The following PARD3B variants were observed in gnomAD, a reference collection of about 807,000 sequenced individuals.
PARD3B encodes partitioning defective 3 homolog B.
A neutral mutation model predicts 130.2 loss-of-function variants in PARD3B; 103 were observed. The ratio of observed to expected loss-of-function variants is 0.79; its 90% CI spans 0.67 to 0.93. The LOEUF (loss-of-function observed/expected upper bound fraction) is 0.93. Among genes scored for constraint, PARD3B ranks in the 40% least tolerant of loss-of-function variants. The pLI is 0.00. For synonymous variants in PARD3B, 583 were observed against 553.2 expected (o/e 1.05, Z -0.76); for missense variants, 1,609 against 1,499.2 (o/e 1.07, Z -1.21).
intron 3 of PARD3B, among the ~76,000 whole-genome samples, chr2:204,998,481 A>ATATAATATATGTATATATATGTGTG (rs1694526515): frequency 1.1e-5 from 1 of 91,352 alleles, no homozygotes; most frequent in Non-Finnish European, 2.2e-5. Context: ...ATATATGTGT[A>ATATAATATATGTATATATATGTGTG]TATAATATAT....
chr2:204,787,884 G>A (rs1391515687), intron 2 of PARD3B, among the ~76,000 whole-genome samples: 2 of 152,144 alleles, frequency 1.3e-5, no homozygotes, highest in Non-Finnish European at 2.9e-5. Flanking sequence ...TTTCTGTCAT[G>A]GCAGAGTGTG....
At chr2:205,494,084 A>T (rs190578425) in intron 20 of PARD3B, among the ~76,000 whole-genome samples, 1 of 152,076 alleles carries the variant, frequency 6.6e-6, no homozygotes, top group African/African-American at 2.4e-5. Context: ...TCTTAACTGC[A>T]TCATCAAATC....
intron 20 of PARD3B, among the ~76,000 whole-genome samples, chr2:205,480,195 G>A (rs1575124359): frequency 6.6e-6 from 1 of 152,158 alleles, no homozygotes; most frequent in East Asian, 1.9e-4. Flanking sequence ...ATGAGCCACT[G>A]TGCCCGGCTG....
intron 21 of PARD3B, among the ~76,000 whole-genome samples, chr2:205,545,373 G>T (rs914737550): frequency 1.3e-5 from 2 of 152,160 alleles, no homozygotes; most frequent in African/African-American, 4.8e-5. Context: ...CTGTAACTAG[G>T]TAAGAGCAAT....
intron 1 of PARD3B, among the ~76,000 whole-genome samples, chr2:204,684,170 A>G (rs2036969061): frequency 6.6e-6 from 1 of 152,198 alleles, no homozygotes; most frequent in African/African-American, 2.4e-5. Context: ...GCAGTTGTGA[A>G]GGATGATTAT....
At chr2:205,505,641 CAT>C (rs1473778891) in intron 21 of PARD3B, among the ~76,000 whole-genome samples, 1 of 152,178 alleles carries the variant, frequency 6.6e-6, no homozygotes, top group Admixed American at 6.5e-5. Context: ...CAGAGGAAAA[CAT>C]AATACCTGTT....
At chr2:204,771,678 A>T (rs1473115311) in intron 2 of PARD3B, among the ~76,000 whole-genome samples, 6 of 152,082 alleles carry the variant, frequency 3.9e-5, no homozygotes, top group Non-Finnish European at 8.8e-5. Flanking sequence ...ATAAAAATTA[A>T]AATTAAAAAG....
intron 1 of PARD3B, among the ~76,000 whole-genome samples, chr2:204,646,619 A>G (rs1415707869): frequency 3.3e-5 from 5 of 152,162 alleles, no homozygotes; most frequent in South Asian, 4.1e-4. Flanking sequence ...TACATACATT[A>G]TCTTCCTTAA....
chr2:205,582,765 G>A (rs190362105), intron 22 of PARD3B, among the ~76,000 whole-genome samples: 1 of 151,822 alleles, frequency 6.6e-6, no homozygotes, highest in East Asian at 1.9e-4. Flanking sequence ...TCCGATAAAA[G>A]TAACTGAGGA....
At position 205,178,143 on chromosome 2, in the gene PARD3B, T is replaced by TAAAAAAAAAAA. The variant is rs58267787; in HGVS notation, c.1924+1591_1924+1601dup. ...CAACATGGCAAAATCCCATCTGTACTAAAAAAAAAAAAAAAAAAAAAAAAA... is the reference window on the plus strand; with the variant it reads ...CAACATGGCAAAATCCCATCTGTACTAAAAAAAAAAAAAAAAAAAAAAAAAAAAAAAAAAAA... On this transcript the variant is annotated intron_variant, in intron 13 of 22. Coordinates refer to ENST00000406610, the MANE Select transcript of PARD3B (RefSeq NM_001302769.2). Among the ~76,000 whole-genome samples, 7 of 20,786 alleles carry TAAAAAAAAAAA rather than the reference T, an allele frequency of 3.4e-4. 1 individual carries two copies. Among genetic ancestry groups the TAAAAAAAAAAA allele is most frequent in the African/African-American group, 1.2e-3 (6 of 4,966 alleles). The allele number at this position is 20,786 out of a possible 152,430, so 13.6% of individuals were successfully genotyped here. A position where few individuals can be genotyped will look rare whatever the true frequency, so the allele number is the denominator to read the frequency against.
intron 2 of PARD3B, among the ~76,000 whole-genome samples, chr2:204,775,335 T>C (rs2041572890): frequency 6.6e-6 from 1 of 152,172 alleles, no homozygotes; most frequent in Non-Finnish European, 1.5e-5. Flanking sequence ...TAAATATTGA[T>C]CATGGATCTA....
intron 2 of PARD3B, among the ~76,000 whole-genome samples, chr2:204,780,865 C>T (rs933953687): frequency 6.6e-6 from 1 of 151,698 alleles, no homozygotes; most frequent in Non-Finnish European, 1.5e-5. Context: ...TGAGAAGTTC[C>T]ATCTGAGCCA....
intron 4 of PARD3B, among the ~76,000 whole-genome samples, chr2:205,077,518 A>C (rs1448613648): frequency 6.6e-6 from 1 of 152,176 alleles, no homozygotes; most frequent in African/African-American, 2.4e-5. Context: ...TTGATTTTAG[A>C]GAAAGCCGTG....
At chr2:204,851,772 A>G (rs1285867549) in intron 2 of PARD3B, among the ~76,000 whole-genome samples, 1 of 151,872 alleles carries the variant, frequency 6.6e-6, no homozygotes, top group African/African-American at 2.4e-5. Context: ...GGCTCACTGC[A>G]ACCTCTGCCT....
chr2:205,580,563 A>G (rs537544222), intron 22 of PARD3B, among the ~76,000 whole-genome samples: 4 of 152,282 alleles, frequency 2.6e-5, no homozygotes, highest in African/African-American at 9.6e-5. Flanking sequence ...AAGCTATACT[A>G]ATGCCTATTT....
chr2:205,075,248 C>T (rs80146805), intron 4 of PARD3B, among the ~76,000 whole-genome samples: 2,430 of 152,116 alleles, frequency 0.016, 25 homozygotes, highest in Non-Finnish European at 0.028. Context: ...GAGAGCTTCC[C>T]GAAAGTTAGA....
chr2:204,996,175 A>G (rs1694153532), intron 3 of PARD3B, among the ~76,000 whole-genome samples: 1 of 111,420 alleles, frequency 9.0e-6, no homozygotes, highest in Non-Finnish European at 1.8e-5. Context: ...TAGAGTTTCC[A>G]GTTTTTCTGT....
In PARD3B at chr2:205,330,707, A is replaced by T. The variant is rs146684902; in HGVS notation, c.2630+29006A>T. Among the ~76,000 whole-genome samples, 490 of 152,332 alleles carry T rather than the reference A, an allele frequency of 3.2e-3. 3 individuals carry two copies. The highest frequency in any genetic ancestry group is 0.011 in the African/African-American group (453 of 41,566). On this transcript the variant is annotated intron_variant, in intron 18 of 22. Coordinates refer to ENST00000406610, the MANE Select transcript of PARD3B (RefSeq NM_001302769.2). ...AAGATTTTTGTTTTAAAATGAGCCTATGTGACCTACAGAGGAAGTGGTGTT... is the reference window on the plus strand; with the variant it reads ...AAGATTTTTGTTTTAAAATGAGCCTTTGTGACCTACAGAGGAAGTGGTGTT...
At chr2:204,676,038 C>T (rs1275910632) in intron 1 of PARD3B, among the ~76,000 whole-genome samples, 1 of 150,244 alleles carries the variant, frequency 6.7e-6, no homozygotes, top group African/African-American at 2.5e-5. Flanking sequence ...TCTCGGTGGT[C>T]TCTGAGCCAA....
Sources: allele counts gnomAD v4.1 joint callset (sites outside exome capture counted in the v4.1 genomes callset), GRCh38; gene constraint gnomAD v4.1.1; transcripts MANE v1.5; gene names NCBI Gene and HGNC (gene_info 2026-07-23, HGNC 2026-07-21).